The following KAZN variants were observed in gnomAD, a reference collection of about 807,000 sequenced individuals.
KAZN encodes kazrin, periplakin interacting protein.
In KAZN, 40 loss-of-function variants were observed where a neutral mutation model predicts 87.4. The ratio of observed to expected loss-of-function variants is 0.46; its 90% CI spans 0.36 to 0.60. The LOEUF is 0.60. Among genes scored for constraint, KAZN ranks in the 20% least tolerant of loss-of-function variants. KAZN has a pLI of 0.00. For synonymous variants in KAZN, 466 were observed against 458.3 expected (o/e 1.02, Z -0.22); for missense variants, 898 against 1,073.9 (o/e 0.84, Z 2.29).
intron 1 of KAZN, among the ~76,000 whole-genome samples, chr1:13,934,497 C>T (rs145350028): frequency 9.7e-4 from 147 of 152,262 alleles, no homozygotes; most frequent in Non-Finnish European, 1.7e-3. Flanking sequence ...GCAAAAGACA[C>T]GGCTAGAAAA....
chr1:14,612,733 A>G (rs955920537), intron 1 of KAZN, among the ~76,000 whole-genome samples: 1 of 152,198 alleles, frequency 6.6e-6, no homozygotes. Flanking sequence ...AGCAGCATCT[A>G]TGCCAATAGC....
At chr1:14,390,453 TG>T (rs1662322509) in intron 2 of KAZN, among the ~76,000 whole-genome samples, 1 of 152,208 alleles carries the variant, frequency 6.6e-6, no homozygotes, top group Non-Finnish European at 1.5e-5. Flanking sequence ...GGGGTGCCAC[TG>T]GAATAAAGAT....
At chr1:14,843,725 C>G (rs966074085) in intron 1 of KAZN, among the ~76,000 whole-genome samples, 2 of 152,170 alleles carry the variant, frequency 1.3e-5, no homozygotes, top group African/African-American at 4.8e-5. Context: ...ATCCCACTAC[C>G]CTGACAGCTG....
At chr1:14,779,185 G>A (rs1416602434) in intron 1 of KAZN, among the ~76,000 whole-genome samples, 1 of 152,178 alleles carries the variant, frequency 6.6e-6, no homozygotes, top group Admixed American at 6.5e-5. Flanking sequence ...GCCACATGGC[G>A]AAAGACCATG....
At chr1:14,544,082 G>A (rs1381651680) in intron 2 of KAZN, among the ~76,000 whole-genome samples, 1 of 152,076 alleles carries the variant, frequency 6.6e-6, no homozygotes, top group Non-Finnish European at 1.5e-5. Flanking sequence ...AAAGTTTAGG[G>A]GAAGGGAGTG....
At chr1:14,940,529 T>C (rs1466515025) in intron 1 of KAZN, among the ~76,000 whole-genome samples, 1 of 152,220 alleles carries the variant, frequency 6.6e-6, no homozygotes, top group Non-Finnish European at 1.5e-5. Flanking sequence ...CAGAGTAGAA[T>C]GGGTTGGGTG....
intron 2 of KAZN, among the ~76,000 whole-genome samples, chr1:14,419,067 A>G (rs1213960238): frequency 6.6e-6 from 1 of 152,184 alleles, no homozygotes; most frequent in Non-Finnish European, 1.5e-5. Flanking sequence ...TTTTATTCCT[A>G]TGTGAGCCGT....
chr1:14,243,806 A>G (rs1279436943), intron 2 of KAZN, among the ~76,000 whole-genome samples: 1 of 152,060 alleles, frequency 6.6e-6, no homozygotes, highest in Non-Finnish European at 1.5e-5. Context: ...GTCTAATCTC[A>G]CTCTGCAGAG....
chr1:14,970,573 C>T (rs942430797), intron 2 of KAZN, among the ~76,000 whole-genome samples: 3 of 152,184 alleles, frequency 2.0e-5, no homozygotes, highest in Non-Finnish European at 4.4e-5. Flanking sequence ...AGCACTGAGT[C>T]CTTGACCCTC....
chr1:14,068,659 AG>A (rs1241032260), intron 1 of KAZN, among the ~76,000 whole-genome samples: 1 of 152,198 alleles, frequency 6.6e-6, no homozygotes, highest in Non-Finnish European at 1.5e-5. Flanking sequence ...TGGGCCCTTC[AG>A]GGGCTTTCAT....
chr1:14,441,038 G>A (rs1666669640), intron 2 of KAZN, among the ~76,000 whole-genome samples: 1 of 152,124 alleles, frequency 6.6e-6, no homozygotes, highest in Non-Finnish European at 1.5e-5. Context: ...GTCATGGCCT[G>A]TTTGCTTCTC....
At chr1:14,848,600 G>A (rs576916551) in intron 1 of KAZN, among the ~76,000 whole-genome samples, 30 of 152,288 alleles carry the variant, frequency 2.0e-4, no homozygotes, top group African/African-American at 7.2e-4. Context: ...GGAGTTCAGC[G>A]GGAGGCATCC....
chr1:14,375,058 G>C (rs986889068), intron 2 of KAZN, among the ~76,000 whole-genome samples: 1 of 152,170 alleles, frequency 6.6e-6, no homozygotes, highest in Non-Finnish European at 1.5e-5. Flanking sequence ...TGCAGCTACA[G>C]CTCCAGGTTA....
At chr1:14,244,114 C>T (rs1034874717) in intron 2 of KAZN, among the ~76,000 whole-genome samples, 5 of 151,086 alleles carry the variant, frequency 3.3e-5, no homozygotes, top group Non-Finnish European at 5.9e-5. Context: ...TCTGTTAAAA[C>T]AAACAAACAA....
intron 2 of KAZN, among the ~76,000 whole-genome samples, chr1:15,006,497 A>G (rs1669014858): frequency 6.6e-6 from 1 of 152,234 alleles, no homozygotes; most frequent in Admixed American, 6.5e-5. Context: ...TCCCGTCATC[A>G]TATTTTATCC....
At chr1:14,951,817 G>C (rs2101710554) in intron 1 of KAZN, among the ~76,000 whole-genome samples, 1 of 152,240 alleles carries the variant, frequency 6.6e-6, no homozygotes, top group African/African-American at 2.4e-5. Flanking sequence ...AGGGCAATAT[G>C]ATTCCTTATT....
At chr1:14,630,761 C>G (rs1442232442) in intron 1 of KAZN, among the ~76,000 whole-genome samples, 1 of 152,110 alleles carries the variant, frequency 6.6e-6, no homozygotes, top group East Asian at 1.9e-4. Flanking sequence ...TGAAATCAGA[C>G]AAGCCTGGAT....
At chr1:14,846,596 T>C (rs2100958381) in intron 1 of KAZN, among the ~76,000 whole-genome samples, 1 of 152,316 alleles carries the variant, frequency 6.6e-6, no homozygotes, top group East Asian at 1.9e-4. Context: ...GTTGACTTAA[T>C]AATCAGGCCT....
At chr1:14,336,626 T>C (rs957732034) in intron 2 of KAZN, among the ~76,000 whole-genome samples, 12 of 152,254 alleles carry the variant, frequency 7.9e-5, no homozygotes, top group African/African-American at 2.9e-4. Context: ...ACACTTGTTA[T>C]TGTCTTTTTT....
Sources: allele counts gnomAD v4.1 joint callset (sites outside exome capture counted in the v4.1 genomes callset), GRCh38; gene constraint gnomAD v4.1.1; transcripts MANE v1.5; gene names NCBI Gene and HGNC (gene_info 2026-07-23, HGNC 2026-07-21).